The following MYOCOS variants were observed in gnomAD, a reference collection of about 807,000 sequenced individuals.
The protein encoded by MYOCOS is myocilin opposite strand protein.
chr1:171,612,372 C>T (rs575017981), intron 1 of MYOCOS, among the ~76,000 whole-genome samples: 67 of 152,076 alleles, frequency 4.4e-4, no homozygotes, highest in African/African-American at 1.5e-3. Flanking sequence ...AGCCACTGCG[C>T]CTGGCCTGTA....
Position 171,615,574 on chromosome 1 carries a change from G to A in MYOCOS, c.-44+569G>A, listed in dbSNP as rs180673640. The stretch of plus-strand genomic sequence containing the variant: ...GGGCCTGCCTGGCCTAAACCCAGTA[G>A]TTAAAAATCAACTCATAACTTAGAA... On this transcript the variant is annotated intron_variant, in intron 2 of 3. Coordinates refer to the MYOCOS transcript ENST00000636697. Among the ~76,000 whole-genome samples, 25 of 152,300 alleles carry A rather than the reference G, an allele frequency of 1.6e-4. No individual in the cohort carries two copies. The East Asian group carries it at 4.6e-3, about 28-fold the overall frequency.
chr1:171,616,796 A>G (rs560899082), intron 2 of MYOCOS, among the ~76,000 whole-genome samples: 12 of 152,328 alleles, frequency 7.9e-5, no homozygotes, highest in Non-Finnish European at 1.5e-4. Context: ...TTGGTCAAGG[A>G]TAGGCTGAGG....
At position 171,624,435 on chromosome 1, in the gene MYOCOS, AATTATT is replaced by A. The variant is rs72026900; in HGVS notation, c.95+478_95+483del. Among the ~76,000 whole-genome samples the A allele has an allele frequency of 8.8e-5, 13 of 147,150 alleles. No homozygotes were observed. The South Asian group carries it at 2.4e-3, about 27-fold the overall frequency. On this transcript the variant is annotated intron_variant, in intron 2 of 2. Coordinates refer to ENST00000637642, the MANE Select transcript of MYOCOS (RefSeq NM_001391940.1). Reference sequence around the variant, plus strand: ...CAGCCATGTGCCACCACGTCTGGTTAATTATTATTATTATTATTATTATTATATTGA... The same window carrying A: ...CAGCCATGTGCCACCACGTCTGGTTAATTATTATTATTATTATTATATTGA...
At chr1:171,603,481 C>A (rs975261077) in intron 1 of MYOCOS, among the ~76,000 whole-genome samples, 4 of 152,110 alleles carry the variant, frequency 2.6e-5, no homozygotes, top group African/African-American at 4.8e-5. Context: ...GCAATTGGAG[C>A]CCCACAAGAA....
intron 1 of MYOCOS, among the ~76,000 whole-genome samples, chr1:171,609,878 T>G (rs1652324611): frequency 1.3e-5 from 2 of 152,186 alleles, no homozygotes; most frequent in East Asian, 1.9e-4. Context: ...TGGCTCAAGA[T>G]CTTTCATGAA....
chr1:171,606,621 G>A (rs1309683375), intron 1 of MYOCOS, among the ~76,000 whole-genome samples: 2 of 152,182 alleles, frequency 1.3e-5, no homozygotes, highest in African/African-American at 2.4e-5. Context: ...CGAAACCCCT[G>A]TCACTTATCC....
intron 1 of MYOCOS, chr1:171,604,336 C>T (rs535517829): frequency 1.3e-5 from 2 of 152,338 alleles, no homozygotes; most frequent in South Asian, 4.1e-4. Context: ...TGACCTTCCT[C>T]AGACTGAGGG....
chr1:171,621,123 A>G (rs545411261), upstream of MYOCOS, among the ~76,000 whole-genome samples: 18 of 152,020 alleles, frequency 1.2e-4, no homozygotes, highest in Non-Finnish European at 2.4e-4. Context: ...TCTAAAATGT[A>G]TAAAACCAAG....
chr1:171,602,809 G>A (rs1293163619), intron 1 of MYOCOS, among the ~76,000 whole-genome samples: 1 of 152,128 alleles, frequency 6.6e-6, no homozygotes, highest in Non-Finnish European at 1.5e-5. Flanking sequence ...AAAAATAGAT[G>A]CTAAAAGAAA....
intron 1 of MYOCOS, among the ~76,000 whole-genome samples, chr1:171,612,028 A>T (rs917175993): frequency 3.9e-4 from 59 of 152,262 alleles, no homozygotes; most frequent in African/African-American, 1.4e-3. Flanking sequence ...TTCAACAGGG[A>T]TATTATGAGA....
chr1:171,624,841 C>T (rs1652662482), intron 2 of MYOCOS, among the ~76,000 whole-genome samples: 1 of 152,100 alleles, frequency 6.6e-6, no homozygotes, highest in South Asian at 2.1e-4. Flanking sequence ...GCCTCAGCAT[C>T]CCAAGGTGCT....
chr1:171,608,487 G>A (rs563273112), intron 1 of MYOCOS, among the ~76,000 whole-genome samples: 11 of 130,942 alleles, frequency 8.4e-5, no homozygotes, highest in Admixed American at 2.8e-4. Flanking sequence ...GCGCGATCTC[G>A]GCTCCCTGCA....
chr1:171,613,128 A>G (rs1652384087), intron 1 of MYOCOS, among the ~76,000 whole-genome samples: 1 of 152,152 alleles, frequency 6.6e-6, no homozygotes. Context: ...TCTCCAGTGT[A>G]TGGTTCCTTG....
upstream of MYOCOS, among the ~76,000 whole-genome samples, chr1:171,619,895 T>A (rs1652521772): frequency 6.6e-6 from 1 of 150,976 alleles, no homozygotes; most frequent in African/African-American, 2.4e-5. Flanking sequence ...CTTCTGAAAT[T>A]TGCATACAAT....
At chr1:171,616,973 T>C (rs1274935381) in intron 2 of MYOCOS, among the ~76,000 whole-genome samples, 1 of 152,116 alleles carries the variant, frequency 6.6e-6, no homozygotes, top group Non-Finnish European at 1.5e-5. Flanking sequence ...TGCTGGCACC[T>C]AGAGAAAGAG....
At chr1:171,603,674 G>A (rs1485496404) in intron 1 of MYOCOS, among the ~76,000 whole-genome samples, 1 of 152,210 alleles carries the variant, frequency 6.6e-6, no homozygotes, top group Non-Finnish European at 1.5e-5. Context: ...TACCTGACCT[G>A]AAAAAACTCT....
chr1:171,622,570 C>G (rs192440876), intron 1 of MYOCOS, among the ~76,000 whole-genome samples: 2 of 152,152 alleles, frequency 1.3e-5, no homozygotes, highest in Non-Finnish European at 2.9e-5. Flanking sequence ...CAGTTATATG[C>G]TAAGCTGACC....
chr1:171,621,607 C>T (rs1043811920), upstream of MYOCOS, among the ~76,000 whole-genome samples: 7 of 152,070 alleles, frequency 4.6e-5, no homozygotes, highest in African/African-American at 1.7e-4. Flanking sequence ...AATCTCCTGA[C>T]CTCGTGATCC....
upstream of MYOCOS, among the ~76,000 whole-genome samples, chr1:171,618,242 A>C (rs967096913): frequency 6.6e-6 from 1 of 152,238 alleles, no homozygotes; most frequent in Non-Finnish European, 1.5e-5. Flanking sequence ...CAACCAACCA[A>C]GTTCAGAGAC....
Sources: gnomAD v4.1 joint callset for allele counts (sites outside exome capture counted in the v4.1 genomes callset) on GRCh38, gnomAD v4.1.1 for gene constraint, MANE v1.5 for transcripts, NCBI Gene and HGNC (gene_info 2026-07-23, HGNC 2026-07-21) for gene names.